The following ZNF385D variants were observed in gnomAD, a reference collection of about 807,000 sequenced individuals.
ZNF385D encodes zinc finger protein 385D.
ZNF385D carries 15 observed loss-of-function variants against 35.8 expected under a neutral mutation model. The observed-to-expected ratio is 0.42, with a 90% CI of 0.28 to 0.64. The LOEUF (loss-of-function observed/expected upper bound fraction) is 0.64. Among genes scored for constraint, ZNF385D ranks in the 30% least tolerant of loss-of-function variants. The probability of loss-of-function intolerance (pLI) is 0.23; values close to 1 mark genes in which losing one functional copy is unlikely to be tolerated. For synonymous variants in ZNF385D, 212 were observed against 186.8 expected, an observed-to-expected ratio of 1.13 and a Z score of -1.10; for missense variants, 474 against 494.6, an observed-to-expected ratio of 0.96 and a Z score of 0.39.
intron 3 of ZNF385D, among the ~76,000 whole-genome samples, chr3:21,824,175 T>G (rs1371514753): frequency 1.3e-5 from 2 of 152,158 alleles, no homozygotes; most frequent in African/African-American, 4.8e-5. Context: ...CATAGTAGAG[T>G]GCACCACTGG....
At chr3:22,307,260 G>C (rs996371568) in intron 2 of ZNF385D, among the ~76,000 whole-genome samples, 4 of 152,098 alleles carry the variant, frequency 2.6e-5, no homozygotes, top group Admixed American at 1.3e-4. Context: ...GAACAAGAAA[G>C]CTAGGAATGA....
At chr3:22,185,162 A>G (rs553187998) in intron 2 of ZNF385D, among the ~76,000 whole-genome samples, 3 of 152,120 alleles carry the variant, frequency 2.0e-5, no homozygotes, top group Admixed American at 2.0e-4. Flanking sequence ...TAAAAACTGA[A>G]AAGGTTGTAG....
chr3:22,021,756 C>T (rs147991258), intron 3 of ZNF385D, among the ~76,000 whole-genome samples: 35 of 152,186 alleles, frequency 2.3e-4, no homozygotes, highest in African/African-American at 7.2e-4. Context: ...AGCATTTCCA[C>T]TAACTTAGTG....
intron 4 of ZNF385D, among the ~76,000 whole-genome samples, chr3:21,483,203 T>C (rs2095606860): frequency 6.6e-6 from 1 of 152,198 alleles, no homozygotes; most frequent in Non-Finnish European, 1.5e-5. Flanking sequence ...GTCTTCAATG[T>C]AATTTGGAGA....
chr3:22,219,609 T>C lies in ZNF385D; in HGVS notation c.107-50574A>G, dbSNP rs140691320. On this transcript the variant is annotated intron_variant, in intron 2 of 5. Coordinates refer to the ZNF385D transcript ENST00000494108. ...CATCTGAAACCCGTAGGACTAGATG[T>C]GTTTTGGTGTTCAGAATATTTCAGG... is the stretch of plus-strand genomic sequence containing the variant. 7.3e-3 allele frequency among the ~76,000 whole-genome samples: 1,107 copies of C among 152,298 alleles called. 16 individuals carry two copies. Among genetic ancestry groups the C allele is most frequent in the African/African-American group, 0.025 (1,050 of 41,570 alleles).
chr3:22,086,689 T>A (rs1394575878), intron 3 of ZNF385D, among the ~76,000 whole-genome samples: 1 of 152,100 alleles, frequency 6.6e-6, no homozygotes, highest in Non-Finnish European at 1.5e-5. Flanking sequence ...AACCCAAATG[T>A]CCATCAATGA....
At chr3:21,447,323 T>C (rs751794143) in intron 4 of ZNF385D, among the ~76,000 whole-genome samples, 3 of 150,942 alleles carry the variant, frequency 2.0e-5, no homozygotes, top group Admixed American at 6.6e-5. Flanking sequence ...ATGCTTCTAA[T>C]AGAGATTTTA....
intron 1 of ZNF385D, among the ~76,000 whole-genome samples, chr3:21,683,003 G>A (rs1326894476): frequency 1.3e-5 from 2 of 149,656 alleles, no homozygotes; most frequent in African/African-American, 2.5e-5. Context: ...ATGCCTAGAG[G>A]GCTTATTAAG....
chr3:21,721,196 G>A (rs577056539), intron 1 of ZNF385D, among the ~76,000 whole-genome samples: 1 of 152,192 alleles, frequency 6.6e-6, no homozygotes, highest in East Asian at 1.9e-4. Flanking sequence ...CCCCTAAAAG[G>A]TCTCAGCCAG....
At chr3:21,427,528 G>T (rs1279123691) in intron 5 of ZNF385D, among the ~76,000 whole-genome samples, 1 of 152,116 alleles carries the variant, frequency 6.6e-6, no homozygotes, top group Non-Finnish European at 1.5e-5. Flanking sequence ...TGATTGGGAA[G>T]AGAAAAAAGC....
chr3:21,658,074 A>G (rs2066125479), intron 2 of ZNF385D, among the ~76,000 whole-genome samples: 1 of 152,018 alleles, frequency 6.6e-6, no homozygotes, highest in Non-Finnish European at 1.5e-5. Context: ...TTTATCTGTA[A>G]TATTATAAGT....
chr3:21,733,448 C>G (rs1035227678), intron 1 of ZNF385D, among the ~76,000 whole-genome samples: 48 of 152,154 alleles, frequency 3.2e-4, no homozygotes, highest in African/African-American at 1.2e-3. Flanking sequence ...AGTTGTTTAT[C>G]TTTCTTTATT....
At chr3:21,523,648 C>T (rs905201587) in intron 3 of ZNF385D, among the ~76,000 whole-genome samples, 2 of 152,110 alleles carry the variant, frequency 1.3e-5, no homozygotes, top group Non-Finnish European at 2.9e-5. Flanking sequence ...AGCTTTCAGA[C>T]ATTAGGAAGT....
At chr3:21,779,096 A>G (rs1362802695) in intron 3 of ZNF385D, among the ~76,000 whole-genome samples, 1 of 151,950 alleles carries the variant, frequency 6.6e-6, no homozygotes, top group African/African-American at 2.4e-5. Context: ...GCAAAAATCA[A>G]CCACAGTCAG....
At chr3:21,522,656 T>C (rs1472608078) in intron 3 of ZNF385D, among the ~76,000 whole-genome samples, 1 of 152,026 alleles carries the variant, frequency 6.6e-6, no homozygotes, top group African/African-American at 2.4e-5. Context: ...ATAACCAAAA[T>C]TGCAGAACGA....
chr3:22,345,046 TA>T (rs1695595081), intron 2 of ZNF385D, among the ~76,000 whole-genome samples: 1 of 152,226 alleles, frequency 6.6e-6, no homozygotes, highest in Non-Finnish European at 1.5e-5. Context: ...AGCACAGGTG[TA>T]ATAATTGTTT....
chr3:22,205,862 A>G (rs1224248552), intron 2 of ZNF385D, among the ~76,000 whole-genome samples: 2 of 152,028 alleles, frequency 1.3e-5, no homozygotes, highest in African/African-American at 4.8e-5. Flanking sequence ...ACCACAAAGC[A>G]ACCAGAAAAT....
chr3:21,902,300 T>C (rs960579519), intron 3 of ZNF385D, among the ~76,000 whole-genome samples: 36 of 152,296 alleles, frequency 2.4e-4, no homozygotes, highest in African/African-American at 8.2e-4. Flanking sequence ...ATGATTTAAC[T>C]GAGACAAGTA....
intron 3 of ZNF385D, among the ~76,000 whole-genome samples, chr3:21,904,166 T>C (rs1699554119): frequency 6.6e-6 from 1 of 151,824 alleles, no homozygotes; most frequent in Non-Finnish European, 1.5e-5. Flanking sequence ...TAGCTGGGTG[T>C]GGTGACAAGT....
Sources: allele counts gnomAD v4.1 joint callset (sites outside exome capture counted in the v4.1 genomes callset), GRCh38; gene constraint gnomAD v4.1.1; transcripts MANE v1.5; gene names NCBI Gene and HGNC (gene_info 2026-07-23, HGNC 2026-07-21).